Variants in CHDH observed in about 807,000 individuals in gnomAD.
CHDH encodes choline dehydrogenase, also known as choline dehydrogenase, mitochondrial.
CHDH carries 43 observed loss-of-function variants against 56.9 expected under a neutral mutation model. That is an observed-to-expected ratio of 0.76 (90% confidence interval 0.59 to 0.97). CHDH has a LOEUF of 0.97. CHDH is among the 50% of genes least tolerant of loss of function. The pLI is 0.00. For synonymous variants in CHDH, 364 were observed against 348.5 expected (o/e 1.04, Z -0.50); for missense variants, 816 against 821.1 (o/e 0.99, Z 0.08).
At position 53,825,514 on chromosome 3, in the gene CHDH, G is replaced by GAAAT. The variant is rs201190916; in HGVS notation, c.-59-1451_-59-1448dup. Among the ~76,000 whole-genome samples the GAAAT allele has an allele frequency of 5.8e-4, 89 of 152,162 alleles. No homozygotes were observed. In the East Asian group the frequency reaches 0.017, roughly 29 times the overall value. ...TGGATATAGCACAGAAAAGAATCTGGAAATATAAAGAGGGGAAGAGAGAAA... is the reference window on the plus strand; with the variant it reads ...TGGATATAGCACAGAAAAGAATCTGGAAATAAATATAAAGAGGGGAAGAGAGAAA... On this transcript the variant is annotated intron_variant, in intron 2 of 8. Coordinates refer to ENST00000315251, the MANE Select transcript of CHDH (RefSeq NM_018397.5).
At position 53,823,758 on chromosome 3, in the gene CHDH, A is replaced by G. The variant is rs1238567291; in HGVS notation, c.251T>C (p.Leu84Pro). Residue 84 changes from leucine (L) to proline (P), a missense_variant, in exon 3 of 9, where the codon CTC (leucine) becomes CCC (proline). By Grantham distance (98) the Leu-to-Pro change is moderately conservative (BLOSUM62 -3). Transcript: ENST00000315251. Reference protein sequence around the residue: ...PKDVLAGSKRLSWKIHMPAAL... With the variant: ...PKDVLAGSKRPSWKIHMPAAL... The stretch of plus-strand genomic sequence containing the variant: ...CGCGGGCATGTGGATCTTCCACGAG[A>G]GCCGCTTGCTCCCCGCGAGCACGTC... 6.4e-7 allele frequency: 1 copy of G among 1,559,940 alleles called. No homozygotes were observed. Among genetic ancestry groups the G allele is most frequent in the African/African-American group, 1.4e-5 (1 of 73,438 alleles).
At chr3:53,829,936 T>TG in intron 2 of CHDH, among the ~76,000 whole-genome samples, 1 of 152,292 alleles carries the variant, frequency 6.6e-6, no homozygotes, top group South Asian at 2.1e-4. Context: ...CTTTGGGTGG[T>TG]GGGGGGTTGA....
intron 2 of CHDH, among the ~76,000 whole-genome samples, chr3:53,840,148 A>C (rs1698626654): frequency 1.3e-5 from 2 of 152,342 alleles, no homozygotes; most frequent in Middle Eastern, 3.4e-3. Flanking sequence ...GAGATCTAGT[A>C]TTTGACAGGT....
rs570524358 is a variant in CHDH, at chr3:53,819,730, C to T, written c.1121-56G>A. 25 of 1,486,226 alleles carry T rather than the reference C, an allele frequency of 1.7e-5. 1 individual carries two copies. Among genetic ancestry groups the T allele is most frequent in the East Asian group, 1.2e-4 (5 of 40,084 alleles). 92.1% of individuals were successfully genotyped at this position (1,486,226 alleles called of 1,614,324 possible). ...GCCAGTCAGGCCGTGGCAGGTGGGC[C>T]GGCTGCTCCTGGTTTCCCTCCTTTC... On this transcript the variant is annotated intron_variant, in intron 6 of 8. Coordinates refer to ENST00000315251, the MANE Select transcript of CHDH (RefSeq NM_018397.5). This position sits in a 1 kb window ranked among gnomAD's most constrained non-coding sequence, Gnocchi z 5.4.
intron 2 of CHDH, among the ~76,000 whole-genome samples, chr3:53,830,462 C>A (rs777910309): frequency 4.0e-5 from 6 of 150,922 alleles, no homozygotes; most frequent in Non-Finnish European, 7.4e-5. Flanking sequence ...TTAAAACATG[C>A]AATTCATATA....
intron 1 of CHDH, among the ~76,000 whole-genome samples, chr3:53,842,011 T>C (rs930366): frequency 1 from 151,727 of 152,250 alleles, 75,603 homozygotes; most frequent in Middle Eastern, 1. Context: ...AAAAAATTAG[T>C]CAGGCATGGT....
chr3:53,837,673 G>A (rs952874895), intron 2 of CHDH, among the ~76,000 whole-genome samples: 1 of 151,914 alleles, frequency 6.6e-6, no homozygotes, highest in Non-Finnish European at 1.5e-5. Flanking sequence ...CACATTCCAG[G>A]CCTCTGCCCT....
chr3:53,839,483 C>A (rs1432747855), intron 2 of CHDH, among the ~76,000 whole-genome samples: 3 of 152,134 alleles, frequency 2.0e-5, no homozygotes, highest in Non-Finnish European at 4.4e-5. Context: ...TTCACTGGAC[C>A]CTGCTCATCT....
intron 2 of CHDH, among the ~76,000 whole-genome samples, chr3:53,830,157 T>G (rs1328903021): frequency 6.6e-6 from 1 of 151,916 alleles, no homozygotes; most frequent in Non-Finnish European, 1.5e-5. Flanking sequence ...CAAATTGATT[T>G]ATAGATTCGA....
At chr3:53,839,368 A>G (rs1698603637) in intron 2 of CHDH, among the ~76,000 whole-genome samples, 1 of 152,240 alleles carries the variant, frequency 6.6e-6, no homozygotes, top group African/African-American at 2.4e-5. Context: ...TTCTTCAACA[A>G]TAAATCCAAG....
chr3:53,822,948 G>A (rs1166332140), intron 3 of CHDH, among the ~76,000 whole-genome samples: 1 of 152,160 alleles, frequency 6.6e-6, no homozygotes, highest in Non-Finnish European at 1.5e-5. Context: ...GTCAGCCCTG[G>A]CTCGCCTCTG....
Position 53,815,463 on chromosome 3 carries a change from C to CACTT in CHDH, c.*2310_*2313dup, listed in dbSNP as rs1006573722. On this transcript the variant is annotated 3_prime_UTR_variant, in exon 9 of 9. Coordinates refer to ENST00000315251, the MANE Select transcript of CHDH (RefSeq NM_018397.5). ...GAACGCTCAGGTTCTGGACATGTGA[C>CACTT]ACTTACCATCTTTTCTTTTAAACCT... 2.6e-5 allele frequency: 4 copies of CACTT among 152,244 alleles called. No individual in the cohort carries two copies. Among genetic ancestry groups the CACTT allele is most frequent in the African/African-American group, 7.2e-5 (3 of 41,448 alleles). The allele number at this position is 152,244 out of a possible 1,614,324, so 9.4% of individuals were successfully genotyped here.
chr3:53,824,107 A>G, intron 2 of CHDH, 40 bp from the exon 3 acceptor site: 1 of 1,203,346 alleles, frequency 8.3e-7, no homozygotes, highest in Non-Finnish European at 1.1e-6. Flanking sequence ...TTAACTCCGC[A>G]TATCCAGGGT....
Position 53,836,283 on chromosome 3 carries a change from G to A in CHDH, c.-60+4646C>T, listed in dbSNP as rs184781095. On this transcript the variant is annotated intron_variant, in intron 2 of 8. Transcript: ENST00000315251. ...AGGCCTCCATCTCCCTAAGACAGTG[G>A]GACAAGCTTCCTCATGGCCCCCCAG... 2.0e-3 allele frequency among the ~76,000 whole-genome samples: 310 copies of A among 152,238 alleles called. 1 individual carries two copies. Among genetic ancestry groups the A allele is most frequent in the Non-Finnish European group, 3.9e-3 (262 of 68,004 alleles).
Position 53,819,632 on chromosome 3 carries a change from C to A in CHDH, c.1163G>T (p.Arg388Leu). Residue 388 changes from arginine (R) to leucine (L), a missense_variant, in exon 7 of 9, where the codon CGC becomes CTC. By Grantham distance (102) the Arg-to-Leu change is moderately radical (BLOSUM62 -2). Coordinates refer to ENST00000315251, the MANE Select transcript of CHDH (RefSeq NM_018397.5). This position sits in a 1 kb window ranked among gnomAD's most constrained non-coding sequence, Gnocchi z 5.4. ...TAHLETGGFI[R>L]SQPGVPHPDI... ...CGGGTGGGGGACCCCAGGCTGGCTG[C>A]GGATGAACCCACCTGTTTCCAGATG... 6.2e-7 allele frequency: 1 copy of A among 1,611,294 alleles called. No individual in the cohort carries two copies. Among genetic ancestry groups the A allele is most frequent in the South Asian group, 1.1e-5 (1 of 90,816 alleles).
intron 2 of CHDH, among the ~76,000 whole-genome samples, chr3:53,830,019 A>G (rs1698284648): frequency 6.6e-6 from 1 of 152,238 alleles, no homozygotes; most frequent in Non-Finnish European, 1.5e-5. Context: ...TGACATACTT[A>G]GTAATAAACT....
intron 2 of CHDH, among the ~76,000 whole-genome samples, chr3:53,826,276 A>G (rs191317031): frequency 1.1e-4 from 16 of 151,896 alleles, no homozygotes; most frequent in Non-Finnish European, 2.2e-4. Context: ...TGTGAGGCTA[A>G]CATCACCCTA....
intron 1 of CHDH, among the ~76,000 whole-genome samples, chr3:53,845,050 G>A (rs1386179374): frequency 6.6e-6 from 1 of 152,276 alleles, no homozygotes; most frequent in Non-Finnish European, 1.5e-5. Context: ...ACAGGAAGAT[G>A]ACTATTAGAG....
chr3:53,824,448 C>T (rs564462526), intron 2 of CHDH, among the ~76,000 whole-genome samples: 1 of 152,358 alleles, frequency 6.6e-6, no homozygotes, highest in African/African-American at 2.4e-5. Context: ...TCAGCCCCTA[C>T]CATGTGCTAG....
Sources: allele counts gnomAD v4.1 joint callset (sites outside exome capture counted in the v4.1 genomes callset), GRCh38; gene constraint gnomAD v4.1.1; non-coding constraint Gnocchi (gnomAD v3.1); transcripts MANE v1.5; gene names NCBI Gene and HGNC (gene_info 2026-07-23, HGNC 2026-07-21).